BFAR: variants seen among roughly 807,000 people sequenced by gnomAD.
The protein encoded by BFAR is bifunctional apoptosis regulator, also known as RING finger protein 47.
BFAR carries 52 observed loss-of-function variants against 54.4 expected under a neutral mutation model. The ratio of observed to expected loss-of-function variants is 0.96; its 90% CI spans 0.77 to 1.21. BFAR has a LOEUF of 1.21. Ranked by LOEUF, BFAR falls within the 50% of genes most tolerant of loss-of-function variation. The pLI, the probability that BFAR is intolerant of heterozygous loss-of-function variation, is 0.00. For missense variants in BFAR, 571 were observed against 534.0 expected, an observed-to-expected ratio of 1.07 and a Z score of -0.68; for synonymous variants, 215 against 204.3, an observed-to-expected ratio of 1.05 and a Z score of -0.45.
chr16:14,641,719 G>A (rs1959633635), intron 1 of BFAR, among the ~76,000 whole-genome samples: 1 of 152,050 alleles, frequency 6.6e-6, no homozygotes, highest in Non-Finnish European at 1.5e-5. Flanking sequence ...AAAATTAGCA[G>A]ATGTGGTGGT....
intron 5 of BFAR, among the ~76,000 whole-genome samples, chr16:14,657,577 CTG>C (rs1468811059): frequency 6.6e-6 from 1 of 151,082 alleles, no homozygotes; most frequent in African/African-American, 2.4e-5. Context: ...CAGAGTCTCA[CTG>C]TTTCCCAGAC....
chr16:14,642,700 T>G (rs759734855), intron 1 of BFAR, among the ~76,000 whole-genome samples: 3 of 152,164 alleles, frequency 2.0e-5, no homozygotes, highest in Non-Finnish European at 4.4e-5. Flanking sequence ...TTCTTGGAAT[T>G]GCTCGCATTA....
At chr16:14,648,157 G>T (rs975392997) in intron 2 of BFAR, among the ~76,000 whole-genome samples, 7 of 152,144 alleles carry the variant, frequency 4.6e-5, no homozygotes, top group African/African-American at 1.7e-4. Context: ...TCCAGCCTGG[G>T]CGACAGAGTA....
In BFAR at chr16:14,637,845, T is replaced by G. The variant is rs1425890417; in HGVS notation, c.-74+4827T>G. ...CTCCATCTCAGAAAAAAAAAAAAAGTCATTTTTTTTTCCTGCAATGTATTT... is the reference window on the plus strand; with the variant it reads ...CTCCATCTCAGAAAAAAAAAAAAAGGCATTTTTTTTTCCTGCAATGTATTT... On this transcript the variant is annotated intron_variant, in intron 1 of 7. Coordinates refer to ENST00000261658, the MANE Select transcript of BFAR (RefSeq NM_016561.3). 2.7e-5 allele frequency among the ~76,000 whole-genome samples: 4 copies of G among 150,780 alleles called. No individual in the cohort carries two copies. In the East Asian group the frequency reaches 5.8e-4, roughly 22 times the overall value.
chr16:14,664,458 GAT>G (rs1491128011), intron 6 of BFAR, among the ~76,000 whole-genome samples: 1 of 151,578 alleles, frequency 6.6e-6, no homozygotes. Flanking sequence ...TAGATTGTTG[GAT>G]GTGTGTGTGT....
chr16:14,642,268 G>A (rs910072352), intron 1 of BFAR, among the ~76,000 whole-genome samples: 1 of 152,164 alleles, frequency 6.6e-6, no homozygotes, highest in Non-Finnish European at 1.5e-5. Flanking sequence ...CAAATTTTGA[G>A]CCACTTTCCT....
At chr16:14,636,329 G>A (rs1302559846) in intron 1 of BFAR, among the ~76,000 whole-genome samples, 1 of 152,222 alleles carries the variant, frequency 6.6e-6, no homozygotes, top group Admixed American at 6.5e-5. Context: ...TCATTCTTGG[G>A]TGTTTCTCAG....
chr16:14,659,437 T>G (rs1404082222), intron 5 of BFAR, among the ~76,000 whole-genome samples: 2 of 150,816 alleles, frequency 1.3e-5, no homozygotes, highest in Non-Finnish European at 2.9e-5. Flanking sequence ...CGAGACAGGG[T>G]TTCACCATGT....
intron 2 of BFAR, among the ~76,000 whole-genome samples, chr16:14,646,846 A>G (rs1236777562): frequency 6.6e-6 from 1 of 151,906 alleles, no homozygotes; most frequent in Non-Finnish European, 1.5e-5. Flanking sequence ...GATCCTTTTG[A>G]CCCCTTATTT....
chr16:14,644,842 A>G (rs1030806938), intron 2 of BFAR, among the ~76,000 whole-genome samples: 1 of 152,090 alleles, frequency 6.6e-6, no homozygotes, highest in Non-Finnish European at 1.5e-5. Context: ...GCAGTGTTTG[A>G]AAGGTCGCAC....
chr16:14,642,286 C>T (rs1372074127), intron 1 of BFAR, among the ~76,000 whole-genome samples: 1 of 152,200 alleles, frequency 6.6e-6, no homozygotes, highest in Non-Finnish European at 1.5e-5. Flanking sequence ...CCTTCACTGT[C>T]TCTAATCCTC....
intron 7 of BFAR, among the ~76,000 whole-genome samples, chr16:14,666,181 C>T (rs908548903): frequency 5.3e-5 from 8 of 152,116 alleles, no homozygotes; most frequent in African/African-American, 1.2e-4. Flanking sequence ...TCTGATGGAC[C>T]CAGGCTTGAG....
At chr16:14,666,460 A>G (rs1304233020) in intron 7 of BFAR, among the ~76,000 whole-genome samples, 1 of 151,974 alleles carries the variant, frequency 6.6e-6, no homozygotes, top group Non-Finnish European at 1.5e-5. Flanking sequence ...AATCCCAGCT[A>G]CTCGGGAGGC....
At chr16:14,650,006 C>T in intron 4 of BFAR, 33 bp downstream of exon 4, 2 of 1,566,138 alleles carry the variant, frequency 1.3e-6, no homozygotes, top group Non-Finnish European at 1.7e-6. Flanking sequence ...ACACCGTGGA[C>T]ATTTTAGAAA....
At chr16:14,664,158 G>A (rs887979588) in intron 6 of BFAR, among the ~76,000 whole-genome samples, 1 of 152,042 alleles carries the variant, frequency 6.6e-6, no homozygotes, top group African/African-American at 2.4e-5. Flanking sequence ...GGATGGTAGC[G>A]AGACAAGATG....
At chr16:14,659,177 G>A (rs192272589) in intron 5 of BFAR, among the ~76,000 whole-genome samples, 151 of 152,144 alleles carry the variant, frequency 9.9e-4, no homozygotes, top group African/African-American at 3.3e-3. Context: ...CCAAAGTGCT[G>A]GGATTATAGG....
rs1959869228 is a variant in BFAR at position 14,648,516 on chromosome 16, C to T, written c.392C>T (p.Pro131Leu). The T allele has an allele frequency of 6.2e-7, 1 of 1,614,054 alleles. No individual in the cohort carries two copies. Among genetic ancestry groups the T allele is most frequent in the Non-Finnish European group, 8.5e-7 (1 of 1,179,962 alleles). ...GGGAATGATCAGATTCCTTTAGCTC[C>T]TAACACAGGCCGAGCGAATCAGCAG... Reference protein sequence around the residue: ...KYGNDQIPLAPNTGRANQQMG... With the variant: ...KYGNDQIPLALNTGRANQQMG... Residue 131 changes from proline to leucine, a missense_variant, in exon 3 of 8, where the codon CCT becomes CTT. Transcript: ENST00000261658.
At chr16:14,650,255 A>G in intron 4 of BFAR, 4 of 262,202 alleles carry the variant, frequency 1.5e-5, no homozygotes, top group Non-Finnish European at 2.9e-5. Flanking sequence ...ACTTGAACCC[A>G]AGAGGTGGAG....
chr16:14,651,889 T>A (rs979272361), intron 4 of BFAR, among the ~76,000 whole-genome samples: 5 of 147,270 alleles, frequency 3.4e-5, no homozygotes, highest in African/African-American at 1.3e-4. Context: ...AATTTTTTTT[T>A]TTTTTTTTTT....
Sources: gnomAD v4.1 joint callset for allele counts (sites outside exome capture counted in the v4.1 genomes callset) on GRCh38, gnomAD v4.1.1 for gene constraint, MANE v1.5 for transcripts, NCBI Gene and HGNC (gene_info 2026-07-23, HGNC 2026-07-21) for gene names.